Variants in RSPH14 observed in about 807,000 individuals in gnomAD.
RSPH14 encodes radial spoke head 14 homolog.
RSPH14 carries 20 observed loss-of-function variants against 26.7 expected under a neutral mutation model. The observed-to-expected ratio is 0.75, with a 90% CI of 0.53 to 1.09. The LOEUF is 1.09. RSPH14 is among the 50% of genes least tolerant of loss of function. RSPH14 has a pLI of 0.00. For missense variants in RSPH14, 449 were observed against 457.2 expected (o/e 0.98, Z 0.16); for synonymous variants, 177 against 189.3 (o/e 0.93, Z 0.53).
chr22:23,084,821 T>G (rs535355699), intron 4 of RSPH14, among the ~76,000 whole-genome samples: 2 of 152,312 alleles, frequency 1.3e-5, no homozygotes, highest in South Asian at 4.1e-4. Flanking sequence ...CTCTCCCAGA[T>G]GAGTGTGGGC....
chr22:23,073,411 C>G (rs768629699), intron 4 of RSPH14, among the ~76,000 whole-genome samples: 1 of 152,188 alleles, frequency 6.6e-6, no homozygotes, highest in Non-Finnish European at 1.5e-5. Flanking sequence ...GTGGGAGCAC[C>G]CAGACTGTTG....
At chr22:23,091,474 C>T (rs1330879596) in intron 4 of RSPH14, among the ~76,000 whole-genome samples, 1 of 151,682 alleles carries the variant, frequency 6.6e-6, no homozygotes, top group Non-Finnish European at 1.5e-5. Context: ...ACACACACCG[C>T]AATGGACCTG....
the RSPH14 span, among the ~76,000 whole-genome samples, chr22:23,166,896 T>A: frequency 6.6e-6 from 1 of 151,410 alleles, no homozygotes; most frequent in South Asian, 2.1e-4. Flanking sequence ...CCTGGGGGAG[T>A]AGCAAGAGGC....
At chr22:23,091,623 G>A (rs748951983) in intron 4 of RSPH14, among the ~76,000 whole-genome samples, 17 of 147,608 alleles carry the variant, frequency 1.2e-4, no homozygotes, top group African/African-American at 2.5e-4. Context: ...CATATGCACC[G>A]CAATGGACCT....
the RSPH14 span, among the ~76,000 whole-genome samples, chr22:23,174,371 T>A: frequency 6.6e-6 from 1 of 151,864 alleles, no homozygotes; most frequent in East Asian, 1.9e-4. Context: ...AATAATGCAC[T>A]CCAGCATGGG....
rs982089269 is a variant in RSPH14, at chr22:23,071,247, T to A, written c.422-7114A>T. On this transcript the variant is annotated intron_variant, in intron 4 of 6. Coordinates refer to ENST00000216036, the MANE Select transcript of RSPH14 (RefSeq NM_014433.3). This position sits in a 1 kb window ranked among gnomAD's most constrained non-coding sequence, Gnocchi z 4.1. ...GGGAGGGGAGTGAGGGCCTCAGGGC[T>A]GGCGCTCCGTATCCTGCGGGCGATC... Among the ~76,000 whole-genome samples, 6 of 152,138 alleles carry A rather than the reference T, an allele frequency of 3.9e-5. No individual in the cohort carries two copies. The highest frequency in any genetic ancestry group is 7.4e-5 in the Non-Finnish European group (5 of 68,008).
intron 5 of RSPH14, among the ~76,000 whole-genome samples, chr22:23,062,645 T>C (rs1430737694): frequency 1.3e-5 from 2 of 152,192 alleles, no homozygotes; most frequent in Non-Finnish European, 2.9e-5. Context: ...GACACAGGTG[T>C]TCCCTGGGAA....
intron 4 of RSPH14, among the ~76,000 whole-genome samples, chr22:23,110,329 G>A (rs1265401812): frequency 6.6e-6 from 1 of 152,168 alleles, no homozygotes; most frequent in African/African-American, 2.4e-5. Flanking sequence ...AGGGCATCAC[G>A]GCAGCCCCCA....
At chr22:23,160,735 T>C in the RSPH14 span, 310 of 1,171,764 alleles carry the variant, frequency 2.6e-4, 3 homozygotes, top group Non-Finnish European at 3.4e-4. Flanking sequence ...GGCTGTGCCC[T>C]CCTGGGGTCA....
At chr22:23,075,949 G>A (rs895576556) in intron 4 of RSPH14, among the ~76,000 whole-genome samples, 1 of 152,208 alleles carries the variant, frequency 6.6e-6, no homozygotes, top group Non-Finnish European at 1.5e-5. Flanking sequence ...GGAGGCCAAG[G>A]TCCTCTGAGG....
At chr22:23,162,502 A>T in the RSPH14 span, 1 of 395,970 alleles carries the variant, frequency 2.5e-6, no homozygotes, top group Non-Finnish European at 5.2e-6. Flanking sequence ...GTGTCCATGC[A>T]CCTTTAGAGG....
At chr22:23,067,868 CACAG>C (rs1456011645) in intron 4 of RSPH14, among the ~76,000 whole-genome samples, 1 of 152,202 alleles carries the variant, frequency 6.6e-6, no homozygotes, top group Non-Finnish European at 1.5e-5. Flanking sequence ...AACTCAGCCT[CACAG>C]ACTGACTTCT....
chr22:23,094,887 T>C (rs2069079305), intron 4 of RSPH14, among the ~76,000 whole-genome samples: 1 of 152,224 alleles, frequency 6.6e-6, no homozygotes, highest in South Asian at 2.1e-4. Flanking sequence ...GCTCTATCAG[T>C]GCTGTCTGGG....
At chr22:23,076,277 G>A (rs2068505385) in intron 4 of RSPH14, among the ~76,000 whole-genome samples, 1 of 152,190 alleles carries the variant, frequency 6.6e-6, no homozygotes, top group Admixed American at 6.5e-5. Context: ...GTATGTGTTT[G>A]TGTAAGCTCC....
chr22:23,144,487 G>A (rs1427670306), upstream of RSPH14, among the ~76,000 whole-genome samples: 1 of 152,152 alleles, frequency 6.6e-6, no homozygotes, highest in Non-Finnish European at 1.5e-5. Flanking sequence ...AGTAAACTGA[G>A]GTGCGGAAGG....
At chr22:23,159,052 G>A in the RSPH14 span, 1 of 1,585,796 alleles carries the variant, frequency 6.3e-7, no homozygotes, top group Non-Finnish European at 8.6e-7. Flanking sequence ...CATTGGAGGA[G>A]CCATGGGGAG....
intron 4 of RSPH14, among the ~76,000 whole-genome samples, chr22:23,081,574 C>T (rs1225057094): frequency 7.1e-6 from 1 of 140,134 alleles, no homozygotes; most frequent in Non-Finnish European, 1.5e-5. Context: ...GTAATCCCAG[C>T]ACTTTGGGAA....
intron 4 of RSPH14, among the ~76,000 whole-genome samples, chr22:23,086,689 C>G (rs2068830334): frequency 6.6e-6 from 1 of 152,228 alleles, no homozygotes; most frequent in African/African-American, 2.4e-5. Context: ...GGAAATGGCT[C>G]CATGAAGAGC....
intron 4 of RSPH14, among the ~76,000 whole-genome samples, chr22:23,130,239 A>G (rs1371831588): frequency 6.6e-6 from 1 of 151,192 alleles, no homozygotes; most frequent in African/African-American, 2.4e-5. Flanking sequence ...GCGGATCATG[A>G]GGTCAGGAGA....
Sources: gnomAD v4.1 joint callset for allele counts (sites outside exome capture counted in the v4.1 genomes callset) on GRCh38, gnomAD v4.1.1 for gene constraint, Gnocchi (gnomAD v3.1) non-coding constraint, MANE v1.5 for transcripts, NCBI Gene and HGNC (gene_info 2026-07-23, HGNC 2026-07-21) for gene names.